The following NFIX variants were observed in gnomAD, a reference collection of about 807,000 sequenced individuals.
NFIX encodes nuclear factor I X, also known as nuclear factor 1 X-type.
NFIX carries 2 observed loss-of-function variants against 53.3 expected under a neutral mutation model. That is an observed-to-expected ratio of 0.04 (90% CI 0.02 to 0.12). The LOEUF is 0.12. Ranked by LOEUF, NFIX falls within the 10% of genes least tolerant of loss-of-function variation. The probability of loss-of-function intolerance (pLI) is 1.00; values close to 1 mark genes in which losing one functional copy is unlikely to be tolerated. For missense variants in NFIX, 310 were observed against 674.5 expected, an observed-to-expected ratio of 0.46 and a Z score of 5.99; for synonymous variants, 244 against 289.0, an observed-to-expected ratio of 0.84 and a Z score of 1.58.
intron 2 of NFIX, among the ~76,000 whole-genome samples, chr19:13,059,777 C>CTTTTTT (rs35128120): frequency 1.2e-3 from 70 of 60,344 alleles, no homozygotes; most frequent in East Asian, 3.3e-3. Context: ...AATTAGAATT[C>CTTTTTT]TTTTTTTTTT....
chr19:13,041,893 T>G (rs1310146083), intron 2 of NFIX, among the ~76,000 whole-genome samples: 1 of 152,024 alleles, frequency 6.6e-6, no homozygotes, highest in East Asian at 1.9e-4. Flanking sequence ...TTTTCTTGTT[T>G]GTTTGTTTGT....
intron 2 of NFIX, among the ~76,000 whole-genome samples, chr19:13,048,257 A>G (rs2015113453): frequency 6.6e-6 from 1 of 152,162 alleles, no homozygotes. Flanking sequence ...TACCAGGCAG[A>G]TGCCTTGTGG....
rs2145513523 is a variant in NFIX, at chr19:13,089,851, T to C, written c.1403-448T>C. Among the ~76,000 whole-genome samples, 1 of 152,190 alleles carries C rather than the reference T, an allele frequency of 6.6e-6. No homozygotes were observed. Among genetic ancestry groups the C allele is most frequent in the South Asian group, 2.1e-4 (1 of 4,822 alleles). On this transcript the variant is annotated intron_variant, in intron 9 of 10. Coordinates refer to ENST00000592199, the MANE Select transcript of NFIX (RefSeq NM_001365902.3). The surrounding 1 kb of genome is among the most constrained non-coding windows in gnomAD (Gnocchi z 4.8). ...TCCACCCTCCCCTGGCCCCCTCTCT[T>C]CAGTACCTGAGAGGGGCCAGTGGGA... is the stretch of plus-strand genomic sequence containing the variant.
intron 8 of NFIX, among the ~76,000 whole-genome samples, chr19:13,086,118 G>A (rs894022444): frequency 2.0e-5 from 3 of 152,236 alleles, no homozygotes; most frequent in Non-Finnish European, 2.9e-5. Flanking sequence ...GCAAGCCAGC[G>A]TGCAGTCCTG....
intron 1 of NFIX, among the ~76,000 whole-genome samples, chr19:13,004,756 G>C (rs1157305894): frequency 6.6e-6 from 1 of 151,830 alleles, no homozygotes; most frequent in Non-Finnish European, 1.5e-5. Context: ...GTGGTCGAGG[G>C]CTCCACCCTC....
chr19:13,035,448 T>C (rs895081364), intron 2 of NFIX, among the ~76,000 whole-genome samples: 4 of 152,192 alleles, frequency 2.6e-5, no homozygotes, highest in Non-Finnish European at 5.9e-5. Flanking sequence ...GGGGATCTGC[T>C]ACTGGGCTGA....
At chr19:13,041,738 C>T (rs1426270752) in intron 2 of NFIX, among the ~76,000 whole-genome samples, 6 of 149,408 alleles carry the variant, frequency 4.0e-5, no homozygotes, top group Non-Finnish European at 8.9e-5. Context: ...AGGTTGCAGT[C>T]AGCCGAGATC....
intron 1 of NFIX, among the ~76,000 whole-genome samples, chr19:12,999,408 G>A (rs923519577): frequency 2.6e-5 from 4 of 151,690 alleles, no homozygotes; most frequent in African/African-American, 9.7e-5. Context: ...TTCTGACCTC[G>A]TGATCCACCT....
chr19:13,052,483 C>T lies in NFIX; in HGVS notation c.560-20564C>T, dbSNP rs2015388088. 6.6e-6 allele frequency among the ~76,000 whole-genome samples: 1 copy of T among 152,214 alleles called. No individual in the cohort carries two copies. Among genetic ancestry groups the T allele is most frequent in the African/African-American group, 2.4e-5 (1 of 41,456 alleles). On this transcript the variant is annotated intron_variant, in intron 2 of 10. Transcript: ENST00000592199. This position sits in a 1 kb window ranked among gnomAD's most constrained non-coding sequence, Gnocchi z 5.2. Reference sequence around the variant, plus strand: ...TGCAGGAGCTGCCAGGCAGGACCACCATGAGTCACTGGGGGTCATGCCAGT... The same window carrying T: ...TGCAGGAGCTGCCAGGCAGGACCACTATGAGTCACTGGGGGTCATGCCAGT...
In NFIX at chr19:13,001,541, C is replaced by T. The variant is rs540531712; in HGVS notation, c.27+5677C>T. Among the ~76,000 whole-genome samples, 22 of 152,222 alleles carry T rather than the reference C, an allele frequency of 1.4e-4. No individual in the cohort carries two copies. Among genetic ancestry groups the T allele is most frequent in the Admixed American group, 2.6e-4 (4 of 15,306 alleles). ...TGTATCTGGGGTGACAGTGTCCCAGCGACATGCGTCACATCTACAGCAGTG... is the reference window on the plus strand; with the variant it reads ...TGTATCTGGGGTGACAGTGTCCCAGTGACATGCGTCACATCTACAGCAGTG... On this transcript the variant is annotated intron_variant, in intron 1 of 10. Transcript: ENST00000592199. This position sits in a 1 kb window ranked among gnomAD's most constrained non-coding sequence, Gnocchi z 6.5.
At chr19:13,080,219 A>T (rs899824111) in intron 7 of NFIX, among the ~76,000 whole-genome samples, 8 of 152,258 alleles carry the variant, frequency 5.3e-5, no homozygotes, top group Admixed American at 4.6e-4. Flanking sequence ...ACTATTGCAA[A>T]AAAAAGGGTA....
In NFIX at chr19:13,098,291, G is replaced by GC. The variant is rs1158359269; in HGVS notation, c.*3648dup. 1 of 96,470 alleles carries GC rather than the reference G, an allele frequency of 1.0e-5. No homozygotes were observed. The highest frequency in any genetic ancestry group is 2.1e-5 in the Non-Finnish European group (1 of 47,996). 6.0% of individuals were successfully genotyped at this position (96,470 alleles called of 1,614,324 possible). A position where few individuals can be genotyped will look rare whatever the true frequency, so the allele number is the denominator to read the frequency against. On this transcript the variant is annotated 3_prime_UTR_variant, in exon 11 of 11. Transcript: ENST00000592199. ...CCCCCACCCCACCCACCCTCGGGGC[G>GC]CCCCCCTCCCCCCGCAAGCCAGCCT... is the stretch of plus-strand genomic sequence containing the variant.
chr19:13,055,099 C>A (rs978907864), intron 2 of NFIX, among the ~76,000 whole-genome samples: 3 of 151,498 alleles, frequency 2.0e-5, no homozygotes, highest in East Asian at 3.9e-4. Flanking sequence ...CCTTTCCAGC[C>A]TCACCAAACA....
Position 13,072,262 on chromosome 19 carries a change from T to C in NFIX, c.560-785T>C, listed in dbSNP as rs909631311. ...GGGCTTTCCCAAGCTCAGCAAAATA[T>C]TCACACACACACTCCACCCTGCCCC... On this transcript the variant is annotated intron_variant, in intron 2 of 10. Coordinates refer to ENST00000592199, the MANE Select transcript of NFIX (RefSeq NM_001365902.3). This position sits in a 1 kb window ranked among gnomAD's most constrained non-coding sequence, Gnocchi z 4.0. 2.6e-5 allele frequency among the ~76,000 whole-genome samples: 4 copies of C among 152,060 alleles called. No homozygotes were observed. The highest frequency in any genetic ancestry group is 7.2e-5 in the African/African-American group (3 of 41,396).
Position 13,081,762 on chromosome 19 carries a change from G to T in NFIX, c.1161G>T (p.Pro387=). The stretch of plus-strand genomic sequence containing the variant: ...AGTCGAGCCCGTATTTCACGCACCC[G>T]ACCATCCGCTACCACCACCACCACG... ...IQQSSPYFTH[P]TIRYHHHHGQ... Residue 387 remains proline (P), a synonymous_variant, in exon 8 of 11, where the codon CCG becomes CCT. Transcript: ENST00000592199. This position sits in a 1 kb window ranked among gnomAD's most constrained non-coding sequence, Gnocchi z 4.7. 1.2e-6 allele frequency: 2 copies of T among 1,613,874 alleles called. No individual in the cohort carries two copies. Among genetic ancestry groups the T allele is most frequent in the Non-Finnish European group, 1.7e-6 (2 of 1,179,892 alleles).
chr19:13,049,084 A>C lies in NFIX; in HGVS notation c.559+23532A>C, dbSNP rs189712866. Reference sequence around the variant, plus strand: ...AGAGCAAGACTCTGTCTAAAAAAAAACAAAACAAAACAAAAATTAGCCATG... The same window carrying C: ...AGAGCAAGACTCTGTCTAAAAAAAACCAAAACAAAACAAAAATTAGCCATG... On this transcript the variant is annotated intron_variant, in intron 2 of 10. Coordinates refer to ENST00000592199, the MANE Select transcript of NFIX (RefSeq NM_001365902.3). The surrounding 1 kb of genome is among the most constrained non-coding windows in gnomAD (Gnocchi z 4.5). Among the ~76,000 whole-genome samples, 3 of 151,944 alleles carry C rather than the reference A, an allele frequency of 2.0e-5. No homozygotes were observed. The highest frequency in any genetic ancestry group is 3.9e-4 in the East Asian group (2 of 5,162).
intron 2 of NFIX, among the ~76,000 whole-genome samples, chr19:13,029,778 T>G (rs1043594624): frequency 6.6e-6 from 1 of 152,202 alleles, no homozygotes; most frequent in African/African-American, 2.4e-5. Flanking sequence ...TGGGGTTGCC[T>G]TCTCAGGTAT....
At position 13,036,229 on chromosome 19, in the gene NFIX, C is replaced by T. The variant is rs371299165; in HGVS notation, c.559+10677C>T. ...TCTCCTTCGTGTGGAGTAGACCCTT[C>T]GCCAACTGGCCTGGCGTGTCCGGGA... On this transcript the variant is annotated intron_variant, in intron 2 of 10. Coordinates refer to ENST00000592199, the MANE Select transcript of NFIX (RefSeq NM_001365902.3). The surrounding 1 kb of genome is among the most constrained non-coding windows in gnomAD (Gnocchi z 4.7). Among the ~76,000 whole-genome samples the T allele has an allele frequency of 6.6e-6, 1 of 152,202 alleles. No homozygotes were observed. Among genetic ancestry groups the T allele is most frequent in the African/African-American group, 2.4e-5 (1 of 41,452 alleles).
At position 12,996,142 on chromosome 19, in the gene NFIX, CGTGTGTGTGTGTGT is replaced by C. The variant is rs3046151; in HGVS notation, c.27+294_27+307del. On this transcript the variant is annotated intron_variant, in intron 1 of 10. Transcript: ENST00000592199. This position sits in a 1 kb window ranked among gnomAD's most constrained non-coding sequence, Gnocchi z 5.2. ...TGGAGCGCAGGCGGGAGTGCGTGTA[CGTGTGTGTGTGTGT>C]GTGTGTGTGTGTGTGCGCGCTCGAC... Among the ~76,000 whole-genome samples the C allele has an allele frequency of 1.4e-5, 2 of 145,726 alleles. No individual in the cohort carries two copies. Among genetic ancestry groups the C allele is most frequent in the South Asian group, 4.4e-4 (2 of 4,588 alleles).
Sources: gnomAD v4.1 joint callset for allele counts (sites outside exome capture counted in the v4.1 genomes callset) on GRCh38, gnomAD v4.1.1 for gene constraint, Gnocchi (gnomAD v3.1) non-coding constraint, MANE v1.5 for transcripts, NCBI Gene and HGNC (gene_info 2026-07-23, HGNC 2026-07-21) for gene names.